The following COL11A1 variants were observed in gnomAD, a reference collection of about 807,000 sequenced individuals.
COL11A1 encodes collagen alpha-1(XI) chain.
Under a neutral mutation model 265.2 loss-of-function variants are expected in COL11A1, and 74 were observed. The ratio of observed to expected loss-of-function variants is 0.28; its 90% CI spans 0.23 to 0.34. COL11A1 has a LOEUF of 0.34. Among genes scored for constraint, COL11A1 ranks in the 10% least tolerant of loss-of-function variants. The probability of loss-of-function intolerance (pLI) is 1.00; values close to 1 mark genes in which losing one functional copy is unlikely to be tolerated. For synonymous variants in COL11A1, 816 were observed against 727.6 expected (o/e 1.12, Z -1.96); for missense variants, 2,165 against 2,263.6 (o/e 0.96, Z 0.88).
chr1:102,888,425 G>A (rs1422750538), intron 62 of COL11A1, 152 bp downstream of exon 62: 2 of 700,820 alleles, frequency 2.9e-6, no homozygotes, highest in South Asian at 1.7e-5. Context: ...GTCTTGGCAT[G>A]TAGATTTGAT....
intron 1 of COL11A1, among the ~76,000 whole-genome samples, chr1:103,097,370 TC>T: frequency 6.6e-6 from 1 of 152,042 alleles, no homozygotes; most frequent in South Asian, 2.1e-4. Flanking sequence ...TATGGTGTCA[TC>T]CTCCCTTCAT....
At chr1:102,916,355 T>A (rs943503844) in intron 49 of COL11A1, among the ~76,000 whole-genome samples, 1 of 152,108 alleles carries the variant, frequency 6.6e-6, no homozygotes, top group South Asian at 2.1e-4. Context: ...GCTATGAAAG[T>A]CTGTTGCTAA....
intron 4 of COL11A1, among the ~76,000 whole-genome samples, chr1:103,072,550 T>C (rs1202982274): frequency 2.0e-5 from 3 of 151,832 alleles, no homozygotes; most frequent in African/African-American, 7.2e-5. Flanking sequence ...CATAAGTATA[T>C]AGGTATTATA....
At chr1:102,912,743 A>T (rs1218127782) in intron 53 of COL11A1, among the ~76,000 whole-genome samples, 1 of 152,108 alleles carries the variant, frequency 6.6e-6, no homozygotes, top group Non-Finnish European at 1.5e-5. Context: ...TAATTGAGTG[A>T]TGGGGGTGGT....
At chr1:103,000,925 A>G in intron 24 of COL11A1, 1 of 369,964 alleles carries the variant, frequency 2.7e-6, no homozygotes, top group Non-Finnish European at 4.8e-6. Flanking sequence ...TGAGAACAAA[A>G]TAAGGAGCAA....
At chr1:103,045,769 TA>T (rs113114104) in intron 4 of COL11A1, among the ~76,000 whole-genome samples, 3 of 123,830 alleles carry the variant, frequency 2.4e-5, no homozygotes, top group African/African-American at 6.2e-5. Context: ...CCCTCCCCCC[TA>T]CCCCCACCCC....
intron 63 of COL11A1, among the ~76,000 whole-genome samples, chr1:102,885,071 C>G (rs1043982905): frequency 6.6e-6 from 1 of 152,114 alleles, no homozygotes; most frequent in African/African-American, 2.4e-5. Context: ...TTTCCCTACT[C>G]GGATTAGTAT....
At chr1:103,012,574 C>T in intron 13 of COL11A1, 105 bp from the exon 14 acceptor site, 1 of 826,736 alleles carries the variant, frequency 1.2e-6, no homozygotes, top group South Asian at 1.4e-5. Flanking sequence ...ATGATCAACA[C>T]AGATTTAATA....
intron 41 of COL11A1, among the ~76,000 whole-genome samples, chr1:102,950,683 A>G (rs922830770): frequency 6.6e-6 from 1 of 152,204 alleles, no homozygotes; most frequent in Non-Finnish European, 1.5e-5. Flanking sequence ...TGACATGGAA[A>G]GTCTTTGGTC....
intron 13 of COL11A1, among the ~76,000 whole-genome samples, chr1:103,013,844 A>G (rs1045830493): frequency 6.6e-6 from 1 of 151,964 alleles, no homozygotes; most frequent in Non-Finnish European, 1.5e-5. Flanking sequence ...TATGAATTCC[A>G]TTTCCTTCCT....
intron 47 of COL11A1, among the ~76,000 whole-genome samples, chr1:102,921,894 A>G (rs919453687): frequency 6.6e-6 from 1 of 152,248 alleles, no homozygotes; most frequent in Non-Finnish European, 1.5e-5. Context: ...TACAACATAA[A>G]GAGAATGTAA....
chr1:102,943,413 G>T (rs1658934330), intron 42 of COL11A1, among the ~76,000 whole-genome samples: 1 of 150,540 alleles, frequency 6.6e-6, no homozygotes, highest in African/African-American at 2.4e-5. Context: ...GTCTTGTTCT[G>T]TTTGATGGCA....
chr1:102,980,600 T>C (rs1212813564), intron 31 of COL11A1, among the ~76,000 whole-genome samples: 2 of 151,848 alleles, frequency 1.3e-5, no homozygotes, highest in African/African-American at 4.8e-5. Context: ...TTTACAAACT[T>C]CCCCATATAT....
At chr1:103,049,519 A>G (rs1020296690) in intron 4 of COL11A1, among the ~76,000 whole-genome samples, 2 of 152,266 alleles carry the variant, frequency 1.3e-5, no homozygotes, top group African/African-American at 4.8e-5. Flanking sequence ...GGTTTCCTGA[A>G]TACAGCACAC....
Position 102,890,484 on chromosome 1 carries a change from A to G in COL11A1, c.4323T>C (p.Gly1441=). 6.2e-7 allele frequency: 1 copy of G among 1,609,348 alleles called. No individual in the cohort carries two copies. ...CCTTGGAGCCAGGGTCACCTTTGAG[A>G]CCAGGTAAGCCAGGAGGTCCCTAAA... The part of the protein sequence containing the change: ...PGPMGPPGLP[G]LKGDPGSKGE... The change falls in exon 58 of 67, where the codon GGT becomes GGC. Residue 1441 remains glycine (G), a synonymous_variant. Coordinates refer to ENST00000370096, the MANE Select transcript of COL11A1 (RefSeq NM_001854.4).
intron 28 of COL11A1, among the ~76,000 whole-genome samples, chr1:102,994,896 T>C (rs552702838): frequency 6.6e-6 from 1 of 152,138 alleles, no homozygotes; most frequent in Admixed American, 6.5e-5. Flanking sequence ...ACAATCATGG[T>C]AGAAGGCAAA....
intron 4 of COL11A1, among the ~76,000 whole-genome samples, chr1:103,071,184 C>T (rs1006752570): frequency 1.3e-5 from 2 of 151,936 alleles, no homozygotes; most frequent in East Asian, 3.9e-4. Context: ...AATAAATAAT[C>T]TCCCCAAAGA....
chr1:102,892,038 C>T (rs1396299268), intron 57 of COL11A1, among the ~76,000 whole-genome samples: 2 of 152,040 alleles, frequency 1.3e-5, no homozygotes, highest in African/African-American at 2.4e-5. Flanking sequence ...GAAACTGATG[C>T]TAAAAAAATG....
chr1:103,001,662 C>A (rs2376279), intron 24 of COL11A1: 6 of 514,984 alleles, frequency 1.2e-5, no homozygotes, highest in South Asian at 3.7e-5. Flanking sequence ...TCACTCATAC[C>A]GTTATGTTCC....
Sources: allele counts gnomAD v4.1 joint callset (sites outside exome capture counted in the v4.1 genomes callset), GRCh38; gene constraint gnomAD v4.1.1; transcripts MANE v1.5; gene names NCBI Gene and HGNC (gene_info 2026-07-23, HGNC 2026-07-21).